CCDC148: variants seen among roughly 807,000 people sequenced by gnomAD.
CCDC148 encodes coiled-coil domain-containing protein 148.
In CCDC148, 89 loss-of-function variants were observed where a neutral mutation model predicts 85.7. That is an observed-to-expected ratio of 1.04 (90% confidence interval 0.87 to 1.24). The LOEUF is 1.24. Ranked by LOEUF, CCDC148 falls within the 50% of genes most tolerant of loss-of-function variation. The probability of loss-of-function intolerance (pLI) is 0.00; values close to 1 mark genes in which losing one functional copy is unlikely to be tolerated. For missense variants in CCDC148, 692 were observed against 671.7 expected, an observed-to-expected ratio of 1.03 and a Z score of -0.33; for synonymous variants, 230 against 213.9, an observed-to-expected ratio of 1.08 and a Z score of -0.66.
At chr2:158,255,892 T>C (rs1051917736) in intron 9 of CCDC148, among the ~76,000 whole-genome samples, 1 of 151,762 alleles carries the variant, frequency 6.6e-6, no homozygotes, top group African/African-American at 2.4e-5. Flanking sequence ...GGGTTGTCTT[T>C]GAATGAGACC....
At chr2:158,245,662 T>C (rs1334676759) in intron 10 of CCDC148, among the ~76,000 whole-genome samples, 1 of 152,112 alleles carries the variant, frequency 6.6e-6, no homozygotes, top group Non-Finnish European at 1.5e-5. Flanking sequence ...CTCCTAAACC[T>C]CAATAATGCA....
intron 11 of CCDC148, among the ~76,000 whole-genome samples, 189 bp from the exon 12 acceptor site, chr2:158,179,185 T>C (rs1163783884): frequency 2.1e-5 from 3 of 144,122 alleles, no homozygotes; most frequent in African/African-American, 7.7e-5. Context: ...TTTTTTTTTT[T>C]TTTTGAGACA....
At chr2:158,442,638 T>C (rs1687982694) in intron 1 of CCDC148, among the ~76,000 whole-genome samples, 1 of 152,206 alleles carries the variant, frequency 6.6e-6, no homozygotes, top group South Asian at 2.1e-4. Flanking sequence ...TTGAGTGCCA[T>C]TGCAAAAGGC....
At chr2:158,443,272 G>A (rs1264600951) in intron 1 of CCDC148, among the ~76,000 whole-genome samples, 1 of 151,764 alleles carries the variant, frequency 6.6e-6, no homozygotes, top group Non-Finnish European at 1.5e-5. Flanking sequence ...TCCAGGGTGG[G>A]AGGATTCTGG....
chr2:158,398,110 C>A (rs574709694), intron 1 of CCDC148, among the ~76,000 whole-genome samples: 1 of 152,084 alleles, frequency 6.6e-6, no homozygotes, highest in Non-Finnish European at 1.5e-5. Context: ...AATACAGGAG[C>A]ACCCAGATTC....
chr2:158,372,867 C>G (rs1639103956), intron 1 of CCDC148, among the ~76,000 whole-genome samples: 1 of 152,006 alleles, frequency 6.6e-6, no homozygotes, highest in Non-Finnish European at 1.5e-5. Context: ...GTACTTTACC[C>G]TTGAGCATTC....
chr2:158,335,025 C>A (rs1046923842), intron 7 of CCDC148, among the ~76,000 whole-genome samples: 15 of 152,024 alleles, frequency 9.9e-5, no homozygotes, highest in African/African-American at 3.6e-4. Flanking sequence ...AACTAGAAAG[C>A]CAAGTCACAC....
intron 9 of CCDC148, among the ~76,000 whole-genome samples, chr2:158,304,737 C>G (rs1160687882): frequency 6.6e-6 from 1 of 152,016 alleles, no homozygotes; most frequent in Non-Finnish European, 1.5e-5. Flanking sequence ...CTGAACTCAT[C>G]AGAGAGCAGA....
intron 1 of CCDC148, among the ~76,000 whole-genome samples, chr2:158,391,668 G>A (rs1685314157): frequency 6.6e-6 from 1 of 152,098 alleles, no homozygotes; most frequent in South Asian, 2.1e-4. Flanking sequence ...TGAGGCCTAA[G>A]GTGAAATTTT....
chr2:158,341,009 A>T (rs1682658841), intron 3 of CCDC148, among the ~76,000 whole-genome samples: 1 of 152,162 alleles, frequency 6.6e-6, no homozygotes, highest in Non-Finnish European at 1.5e-5. Flanking sequence ...CAAGACAACA[A>T]GATAGAGCAG....
intron 1 of CCDC148, among the ~76,000 whole-genome samples, chr2:158,452,492 G>A (rs1212516923): frequency 6.6e-6 from 1 of 152,126 alleles, no homozygotes; most frequent in Non-Finnish European, 1.5e-5. Context: ...TTTCTCAATT[G>A]CTTTCAGCTC....
chr2:158,214,004 G>A (rs1686713417), intron 11 of CCDC148, among the ~76,000 whole-genome samples: 1 of 151,266 alleles, frequency 6.6e-6, no homozygotes, highest in South Asian at 2.1e-4. Flanking sequence ...GGGAGGGGGA[G>A]AAGACTTTGG....
At chr2:158,272,949 T>C (rs1689764574) in intron 9 of CCDC148, among the ~76,000 whole-genome samples, 1 of 152,216 alleles carries the variant, frequency 6.6e-6, no homozygotes, top group Non-Finnish European at 1.5e-5. Flanking sequence ...TTGCTCTCTA[T>C]AAATATATGT....
chr2:158,456,325 G>C, intron 1 of CCDC148, 90 bp downstream of exon 1: 2 of 1,328,080 alleles, frequency 1.5e-6, no homozygotes, highest in Non-Finnish European at 2.1e-6. Flanking sequence ...GGAAGGGGGA[G>C]TGGCTGCAGA....
At chr2:158,177,542 C>T (rs1684652395) in intron 12 of CCDC148, among the ~76,000 whole-genome samples, 1 of 152,048 alleles carries the variant, frequency 6.6e-6, no homozygotes, top group Admixed American at 6.6e-5. Flanking sequence ...AAAGCATTCA[C>T]AGATGGAAAG....
rs1482758792 is a variant in CCDC148 at position 158,238,118 on chromosome 2, G to A, written c.1251+12654C>T. ...AGACACTGTGTATAGGCCAGGGAATGATGAGATTTTCTGAAGAGGGCATGT... is the reference window on the plus strand; with the variant it reads ...AGACACTGTGTATAGGCCAGGGAATAATGAGATTTTCTGAAGAGGGCATGT... On this transcript the variant is annotated intron_variant, in intron 10 of 13. Coordinates refer to ENST00000283233, the MANE Select transcript of CCDC148 (RefSeq NM_138803.4). Among the ~76,000 whole-genome samples, 3 of 152,256 alleles carry A rather than the reference G, an allele frequency of 2.0e-5. No individual in the cohort carries two copies. In the East Asian group the frequency reaches 5.8e-4, roughly 29 times the overall value.
At chr2:158,190,650 T>G (rs1030358622) in intron 11 of CCDC148, among the ~76,000 whole-genome samples, 5 of 152,016 alleles carry the variant, frequency 3.3e-5, no homozygotes, top group Non-Finnish European at 7.4e-5. Flanking sequence ...TAATATGTAT[T>G]GCATTTAAAA....
chr2:158,245,201 T>A (rs962682346), intron 10 of CCDC148, among the ~76,000 whole-genome samples: 1 of 152,170 alleles, frequency 6.6e-6, no homozygotes, highest in African/African-American at 2.4e-5. Flanking sequence ...GGTTTTTGTT[T>A]TAGACTATTT....
At chr2:158,327,361 A>G (rs542588034) in intron 7 of CCDC148, among the ~76,000 whole-genome samples, 78 of 152,318 alleles carry the variant, frequency 5.1e-4, no homozygotes, top group Non-Finnish European at 8.2e-4. Context: ...TAAGCAAAAA[A>G]TAGTTTATGA....
Sources: gnomAD v4.1 joint callset for allele counts (sites outside exome capture counted in the v4.1 genomes callset) on GRCh38, gnomAD v4.1.1 for gene constraint, MANE v1.5 for transcripts, NCBI Gene and HGNC (gene_info 2026-07-23, HGNC 2026-07-21) for gene names.